Variants in TENM3 observed in about 807,000 individuals in gnomAD.
TENM3 encodes the protein teneurin transmembrane protein 3.
TENM3 carries 63 observed loss-of-function variants against 255.1 expected under a neutral mutation model. The ratio of observed to expected loss-of-function variants is 0.25; its 90% CI spans 0.20 to 0.30. The LOEUF (loss-of-function observed/expected upper bound fraction) is 0.30. Ranked by LOEUF, TENM3 falls within the 10% of genes least tolerant of loss-of-function variation. The probability of loss-of-function intolerance (pLI) is 1.00; values close to 1 mark genes in which losing one functional copy is unlikely to be tolerated. For missense variants in TENM3, 2,929 were observed against 3,461.1 expected, an observed-to-expected ratio of 0.85 and a Z score of 3.86; for synonymous variants, 1,306 against 1,322.3, an observed-to-expected ratio of 0.99 and a Z score of 0.27.
chr4:182,773,406 A>G (rs1764424392), intron 22 of TENM3, 66 bp from the exon 23 acceptor site: 1 of 1,407,216 alleles, frequency 7.1e-7, no homozygotes, highest in Non-Finnish European at 9.7e-7. Flanking sequence ...GCTACACATT[A>G]TATTTATAAG....
the TENM3 span, among the ~76,000 whole-genome samples, chr4:181,926,640 G>C: frequency 2.0e-5 from 3 of 152,020 alleles, no homozygotes; most frequent in East Asian, 5.8e-4. Flanking sequence ...AATGAAAATG[G>C]AGCTTTCTAT....
At chr4:182,076,697 A>G in the TENM3 span, among the ~76,000 whole-genome samples, 6 of 152,152 alleles carry the variant, frequency 3.9e-5, no homozygotes, top group African/African-American at 1.2e-4. Context: ...CACAACCCTG[A>G]GAGTTTAACT....
At chr4:182,213,136 G>C (rs183017627) in intron 1 of TENM3, among the ~76,000 whole-genome samples, 3 of 152,296 alleles carry the variant, frequency 2.0e-5, no homozygotes, top group Non-Finnish European at 4.4e-5. Context: ...CCCAGTAACT[G>C]GCAGTCCTAT....
At chr4:182,216,501 T>C (rs1214386506) in intron 1 of TENM3, among the ~76,000 whole-genome samples, 1 of 152,206 alleles carries the variant, frequency 6.6e-6, no homozygotes, top group Non-Finnish European at 1.5e-5. Flanking sequence ...TCAGTTATAA[T>C]CTGGTGCAAT....
At chr4:182,751,138 T>G (rs1263012941) in intron 19 of TENM3, among the ~76,000 whole-genome samples, 1 of 152,186 alleles carries the variant, frequency 6.6e-6, no homozygotes, top group Non-Finnish European at 1.5e-5. Flanking sequence ...ATACAAACTT[T>G]GGAAAGAAAA....
At chr4:182,271,495 A>G (rs995931671) in intron 1 of TENM3, among the ~76,000 whole-genome samples, 1 of 152,126 alleles carries the variant, frequency 6.6e-6, no homozygotes, top group Non-Finnish European at 1.5e-5. Flanking sequence ...GTGCATTTCA[A>G]TTCTTGTCAC....
chr4:181,523,226 T>C, the TENM3 span, among the ~76,000 whole-genome samples: 2 of 152,164 alleles, frequency 1.3e-5, no homozygotes, highest in African/African-American at 2.4e-5. Flanking sequence ...GCAGATCTAA[T>C]ATAAAACCCA....
chr4:181,674,536 T>C, the TENM3 span, among the ~76,000 whole-genome samples: 5 of 152,286 alleles, frequency 3.3e-5, no homozygotes, highest in African/African-American at 9.6e-5. Context: ...ATTGTGAAAT[T>C]CCAAGAAGGT....
chr4:181,548,939 A>C, the TENM3 span, among the ~76,000 whole-genome samples: 1 of 152,206 alleles, frequency 6.6e-6, no homozygotes, highest in East Asian at 1.9e-4. Flanking sequence ...AGGTAAAAAC[A>C]GAAGGTAACT....
At chr4:181,859,257 AAAAAAAAAAT>A in the TENM3 span, among the ~76,000 whole-genome samples, 1 of 150,904 alleles carries the variant, frequency 6.6e-6, no homozygotes, top group African/African-American at 2.4e-5. Flanking sequence ...AAAAAAAAAA[AAAAAAAAAAT>A]CCCTCATTTT....
At chr4:182,577,514 G>A (rs1449090521) in intron 3 of TENM3, among the ~76,000 whole-genome samples, 1 of 152,214 alleles carries the variant, frequency 6.6e-6, no homozygotes, top group Admixed American at 6.5e-5. Context: ...TGAGGACTCT[G>A]CCATCTGCAG....
At chr4:182,224,692 C>A (rs1756036627) in intron 1 of TENM3, among the ~76,000 whole-genome samples, 1 of 151,290 alleles carries the variant, frequency 6.6e-6, no homozygotes, top group Non-Finnish European at 1.5e-5. Flanking sequence ...TGCAGTAAGG[C>A]AATGGAGTAT....
At chr4:182,280,353 G>C (rs1311613741) in intron 1 of TENM3, among the ~76,000 whole-genome samples, 2 of 152,090 alleles carry the variant, frequency 1.3e-5, no homozygotes, top group African/African-American at 4.8e-5. Flanking sequence ...TCTACATTTT[G>C]GGAGGCAGAG....
chr4:181,989,998 T>C, the TENM3 span, among the ~76,000 whole-genome samples: 1 of 152,150 alleles, frequency 6.6e-6, no homozygotes, highest in African/African-American at 2.4e-5. Flanking sequence ...TATAAATGAT[T>C]TGTTACCAAA....
At chr4:181,598,169 A>G in the TENM3 span, among the ~76,000 whole-genome samples, 1 of 152,186 alleles carries the variant, frequency 6.6e-6, no homozygotes, top group Non-Finnish European at 1.5e-5. Flanking sequence ...TAGTTCCATG[A>G]TCTACTTTTT....
Position 182,185,031 on chromosome 4 carries a change from C to T in TENM3, c.-76+40277C>T, listed in dbSNP as rs192996103. ...CCGGGAGGTGGAGGTTGCAGTGAGC[C>T]GAGACTGCGCTACTGCACTCCAGCC... On this transcript the variant is annotated intron_variant, in intron 1 of 2. Coordinates refer to the TENM3 transcript ENST00000512480. 1.9e-4 allele frequency among the ~76,000 whole-genome samples: 29 copies of T among 151,606 alleles called. No homozygotes were observed. In the East Asian group the frequency reaches 3.7e-3, roughly 19 times the overall value.
chr4:182,463,777 C>T (rs908355977), intron 3 of TENM3, among the ~76,000 whole-genome samples: 1 of 152,078 alleles, frequency 6.6e-6, no homozygotes, highest in East Asian at 1.9e-4. Context: ...GCATGCGCCA[C>T]CATGCCCAGC....
chr4:182,255,125 T>C (rs73003214), intron 1 of TENM3, among the ~76,000 whole-genome samples: 12,020 of 152,206 alleles, frequency 0.079, 621 homozygotes, highest in African/African-American at 0.14. Flanking sequence ...ATTTAAATTT[T>C]AGAGCTTAAT....
chr4:181,481,066 G>C, the TENM3 span, among the ~76,000 whole-genome samples: 15 of 151,640 alleles, frequency 9.9e-5, no homozygotes, highest in African/African-American at 3.6e-4. Context: ...AAATTAAAAA[G>C]TTGAATGAAA....
Sources: gnomAD v4.1 joint callset for allele counts (sites outside exome capture counted in the v4.1 genomes callset) on GRCh38, gnomAD v4.1.1 for gene constraint, MANE v1.5 for transcripts, NCBI Gene and HGNC (gene_info 2026-07-23, HGNC 2026-07-21) for gene names.